MAST2: variants seen among roughly 807,000 people sequenced by gnomAD.
The protein encoded by MAST2 is microtubule-associated serine/threonine-protein kinase 2.
Under a neutral mutation model 147.4 loss-of-function variants are expected in MAST2, and 70 were observed. That is an observed-to-expected ratio of 0.47 (90% confidence interval 0.39 to 0.58). MAST2 has a LOEUF of 0.58. Among genes scored for constraint, MAST2 ranks in the 20% least tolerant of loss-of-function variants. The pLI, the probability that MAST2 is intolerant of heterozygous loss-of-function variation, is 0.00. For synonymous variants in MAST2, 869 were observed against 896.8 expected (o/e 0.97, Z 0.55); for missense variants, 2,080 against 2,302.3 (o/e 0.90, Z 1.98).
In MAST2 at chr1:46,032,171, T is replaced by TCTC. The variant is rs749626903; in HGVS notation, c.3188-5_3188-3dup. 1 of 1,612,642 alleles carries TCTC rather than the reference T, an allele frequency of 6.2e-7. No individual in the cohort carries two copies. The highest frequency in any genetic ancestry group is 8.5e-7 in the Non-Finnish European group (1 of 1,178,830). The stretch of plus-strand genomic sequence containing the variant: ...GACCCACTAAGTCCTGGCTTCTCCT[T>TCTC]CTCCAGAACACCACACCTGCTCCCC... On this transcript the variant is annotated splice_polypyrimidine_tract_variant and splice_region_variant and intron_variant, in intron 24 of 28. Transcript: ENST00000361297.
chr1:45,966,861 CTTTTTTTTTTT>C (rs58072402), intron 5 of MAST2, among the ~76,000 whole-genome samples: 1 of 111,078 alleles, frequency 9.0e-6, no homozygotes, highest in African/African-American at 3.5e-5. Context: ...GGATCTGGGT[CTTTTTTTTTTT>C]TTTTTTTTTT....
At chr1:45,968,471 G>T (rs1643725426) in intron 5 of MAST2, among the ~76,000 whole-genome samples, 2 of 122,150 alleles carry the variant, frequency 1.6e-5, no homozygotes, top group Non-Finnish European at 1.7e-5. Flanking sequence ...TGCTTGCTTG[G>T]TTTTTTTGTT....
chr1:46,025,774 A>G lies in MAST2; in HGVS notation c.1878A>G (p.Leu626=), dbSNP rs1284171382. 1.2e-6 allele frequency: 2 copies of G among 1,614,190 alleles called. No homozygotes were observed. The highest frequency in any genetic ancestry group is 3.3e-5 in the Admixed American group (2 of 60,024). The change falls in exon 16 of 29, where the codon TTA becomes TTG. Residue 626 remains leucine (L), a synonymous_variant. Coordinates refer to ENST00000361297, the MANE Select transcript of MAST2 (RefSeq NM_015112.3). ...FAETVLALEY[L]HNYGIVHRDL... is the part of the protein sequence containing the mutation. ...AAACTGTGCTGGCCCTGGAGTACTT[A>G]CACAACTATGGCATCGTGCACCGTG...
At chr1:46,019,135 G>T (rs1489577688) in intron 10 of MAST2, among the ~76,000 whole-genome samples, 1 of 152,124 alleles carries the variant, frequency 6.6e-6, no homozygotes, top group African/African-American at 2.4e-5. Flanking sequence ...GCCTGCTAAT[G>T]GGTTTTCCTG....
chr1:46,000,912 C>T lies in MAST2; in HGVS notation c.669-1893C>T, dbSNP rs990827285. ...TACCAAGATTCAAAAAGATCACTCT[C>T]TCTGGTTCCTTTGGTTCTCACTATA... On this transcript the variant is annotated intron_variant, in intron 6 of 28. Coordinates refer to ENST00000361297, the MANE Select transcript of MAST2 (RefSeq NM_015112.3). 4.7e-6 allele frequency: 6 copies of T among 1,265,190 alleles called. No homozygotes were observed. In the African/African-American group the frequency reaches 7.7e-5, roughly 16 times the overall value. The allele number at this position is 1,265,190 out of a possible 1,614,324, so 78.4% of individuals were successfully genotyped here.
intron 3 of MAST2, among the ~76,000 whole-genome samples, chr1:45,853,569 G>A (rs1645691370): frequency 6.6e-6 from 1 of 151,980 alleles, no homozygotes; most frequent in African/African-American, 2.4e-5. Context: ...GACCAGGCTG[G>A]TGTTGAACTC....
intron 5 of MAST2, among the ~76,000 whole-genome samples, chr1:45,994,930 C>T (rs1424040336): frequency 6.6e-6 from 1 of 151,928 alleles, no homozygotes; most frequent in Admixed American, 6.6e-5. Context: ...GCTCCACCTC[C>T]TGGGTTCACG....
At chr1:45,831,065 A>C (rs1360542950) in intron 3 of MAST2, among the ~76,000 whole-genome samples, 1 of 149,274 alleles carries the variant, frequency 6.7e-6, no homozygotes, top group Non-Finnish European at 1.5e-5. Flanking sequence ...TTGTTTGTCT[A>C]GGCTTTGTGT....
chr1:45,821,376 A>G (rs191187213), intron 1 of MAST2, among the ~76,000 whole-genome samples: 1 of 152,142 alleles, frequency 6.6e-6, no homozygotes, highest in Admixed American at 6.5e-5. Context: ...TTTCTTTGCC[A>G]TTGGCTTTGA....
At chr1:46,024,033 A>G in intron 15 of MAST2, 53 bp downstream of exon 15, 1 of 1,548,736 alleles carries the variant, frequency 6.5e-7, no homozygotes, top group Non-Finnish European at 8.9e-7. Context: ...TCTGAGACTT[A>G]GCCTTAAACA....
chr1:45,819,595 C>T (rs1644559355), intron 1 of MAST2, among the ~76,000 whole-genome samples: 1 of 151,912 alleles, frequency 6.6e-6, no homozygotes, highest in African/African-American at 2.4e-5. Flanking sequence ...AAAAGTAACC[C>T]CATTTACAGT....
At chr1:45,863,995 A>G (rs1646062865) in intron 3 of MAST2, among the ~76,000 whole-genome samples, 2 of 152,220 alleles carry the variant, frequency 1.3e-5, no homozygotes, top group Admixed American at 1.3e-4. Flanking sequence ...CAATTACCAT[A>G]AAGTTGGAAA....
intron 9 of MAST2, 139 bp from the exon 10 acceptor site, chr1:46,010,591 A>G (rs1338857318): frequency 3.0e-6 from 2 of 659,342 alleles, no homozygotes; most frequent in East Asian, 5.4e-5. Context: ...GTCTTCAGTT[A>G]TCAGGTTTCC....
At chr1:46,005,906 T>G (rs1217521248) in intron 7 of MAST2, among the ~76,000 whole-genome samples, 1 of 152,150 alleles carries the variant, frequency 6.6e-6, no homozygotes, top group Non-Finnish European at 1.5e-5. Context: ...TAAGAGGATG[T>G]TATTTGCAGC....
intron 4 of MAST2, among the ~76,000 whole-genome samples, chr1:45,914,973 C>T (rs1459174064): frequency 1.3e-5 from 2 of 152,148 alleles, no homozygotes; most frequent in East Asian, 1.9e-4. Context: ...GAGTGTCTTA[C>T]TTTATGGCCC....
intron 3 of MAST2, among the ~76,000 whole-genome samples, chr1:45,880,075 A>G (rs1425630659): frequency 2.0e-5 from 3 of 152,204 alleles, no homozygotes; most frequent in Admixed American, 6.5e-5. Context: ...AAATCTAAAT[A>G]TATATCTACC....
rs1645579651 is a variant in MAST2 at position 45,850,193 on chromosome 1, A to T, written c.468+20612A>T. 2.0e-5 allele frequency among the ~76,000 whole-genome samples: 3 copies of T among 152,126 alleles called. No individual in the cohort carries two copies. In the South Asian group the frequency reaches 6.2e-4, roughly 32 times the overall value. ...TTGTGGTTTTGATGTGCATTTCTCA[A>T]ATGGTTAGTATGTGGAGCATGTTTT... On this transcript the variant is annotated intron_variant, in intron 3 of 28. Coordinates refer to ENST00000361297, the MANE Select transcript of MAST2 (RefSeq NM_015112.3).
intron 5 of MAST2, among the ~76,000 whole-genome samples, chr1:45,978,867 G>T (rs957100638): frequency 6.6e-6 from 1 of 152,130 alleles, no homozygotes; most frequent in African/African-American, 2.4e-5. Flanking sequence ...TCGAGTAGAG[G>T]GAAATGAAGA....
chr1:45,854,608 A>T (rs1171856742), intron 3 of MAST2, among the ~76,000 whole-genome samples: 1 of 152,180 alleles, frequency 6.6e-6, no homozygotes, highest in South Asian at 2.1e-4. Context: ...GATAGGAATT[A>T]CATTAAACCT....
Sources: allele counts gnomAD v4.1 joint callset (sites outside exome capture counted in the v4.1 genomes callset), GRCh38; gene constraint gnomAD v4.1.1; transcripts MANE v1.5; gene names NCBI Gene and HGNC (gene_info 2026-07-23, HGNC 2026-07-21).